Variants in NCKAP5L observed in about 807,000 individuals in gnomAD.
NCKAP5L encodes NCK associated protein 5 like.
Under a neutral mutation model 103.2 loss-of-function variants are expected in NCKAP5L, and 54 were observed. The ratio of observed to expected loss-of-function variants is 0.52; its 90% CI spans 0.42 to 0.66. The LOEUF (loss-of-function observed/expected upper bound fraction) is 0.66. Ranked by LOEUF, NCKAP5L falls within the 30% of genes least tolerant of loss-of-function variation. The pLI is 0.00. For missense variants in NCKAP5L, 1,733 were observed against 1,750.6 expected (o/e 0.99, Z 0.18); for synonymous variants, 762 against 748.6 (o/e 1.02, Z -0.29).
At chr12:49,820,360 A>G (rs1435265847) in intron 1 of NCKAP5L, among the ~76,000 whole-genome samples, 11 of 125,486 alleles carry the variant, frequency 8.8e-5, no homozygotes, top group Non-Finnish European at 1.6e-4. Flanking sequence ...TCTGTCGCCC[A>G]GGCTGGAAGG....
In NCKAP5L at chr12:49,792,146, T is replaced by A; in HGVS notation, c.3793-95A>T. 1 of 1,205,924 alleles carries A rather than the reference T, an allele frequency of 8.3e-7. No individual in the cohort carries two copies. The highest frequency in any genetic ancestry group is 1.1e-6 in the Non-Finnish European group (1 of 873,912). The allele number at this position is 1,205,924 out of a possible 1,614,324, so 74.7% of individuals were successfully genotyped here. A position where few individuals can be genotyped will look rare whatever the true frequency, so the allele number is the denominator to read the frequency against. On this transcript the variant is annotated intron_variant, in intron 12 of 12. Coordinates refer to ENST00000335999, the MANE Select transcript of NCKAP5L (RefSeq NM_001037806.4). The surrounding 1 kb of genome is among the most constrained non-coding windows in gnomAD (Gnocchi z 4.5). The stretch of plus-strand genomic sequence containing the variant: ...CTCTGAGGGGCGTCTGTGCACCTGA[T>A]GGGGGGCTGCTCCAGAGGGGGCCCA...
intron 1 of NCKAP5L, among the ~76,000 whole-genome samples, chr12:49,808,439 C>G (rs1312031625): frequency 1.3e-5 from 2 of 152,164 alleles, no homozygotes; most frequent in African/African-American, 4.8e-5. Context: ...GGGGAAGAGA[C>G]CTGCAGGAAA....
At position 49,793,601 on chromosome 12, in the gene NCKAP5L, C is replaced by G; in HGVS notation, c.3258+133G>C. 5 of 1,300,760 alleles carry G rather than the reference C, an allele frequency of 3.8e-6. No individual in the cohort carries two copies. In the Admixed American group the frequency reaches 1.0e-4, roughly 27 times the overall value. 80.6% of individuals were successfully genotyped at this position (1,300,760 alleles called of 1,614,324 possible). A position where few individuals can be genotyped will look rare whatever the true frequency, so the allele number is the denominator to read the frequency against. ...AGACTGGGAAGCCCCTCTCCCCTCC[C>G]CAGTCTCCCCGTAGAGACTGTGAGT... On this transcript the variant is annotated intron_variant, in intron 9 of 12. Coordinates refer to ENST00000335999, the MANE Select transcript of NCKAP5L (RefSeq NM_001037806.4).
At position 49,792,748 on chromosome 12, in the gene NCKAP5L, G is replaced by A. The variant is rs1945958563; in HGVS notation, c.3579C>T (p.Pro1193=). 2 of 1,609,202 alleles carry A rather than the reference G, an allele frequency of 1.2e-6. No homozygotes were observed. Among genetic ancestry groups the A allele is most frequent in the African/African-American group, 1.3e-5 (1 of 74,844 alleles). The part of the protein sequence containing the change: ...IEELLVSGRH[P]SMPAFPALLP... ...GCAGTGCAGGGAAGGCTGGCATGCT[G>A]GGGTGCCGCCCACTCACCAGCAGCT... The change falls in exon 11 of 13, where the codon CCC becomes CCT. Residue 1193 remains proline (P), a synonymous_variant. Coordinates refer to ENST00000335999, the MANE Select transcript of NCKAP5L (RefSeq NM_001037806.4). This position sits in a 1 kb window ranked among gnomAD's most constrained non-coding sequence, Gnocchi z 4.5.
chr12:49,795,841 T>C lies in NCKAP5L; in HGVS notation c.2019A>G (p.Thr673=), dbSNP rs1486134704. Reference sequence around the variant, plus strand: ...CTGAGCCCAGGGCCCCCTCGGGGCCTGTCTTCAGCTTCCCCAGGGCCGCCA... The same window carrying C: ...CTGAGCCCAGGGCCCCCTCGGGGCCCGTCTTCAGCTTCCCCAGGGCCGCCA... ...DRLAALGKLK[T]GPEGALGSEK... The change falls in exon 8 of 13, where the codon ACA becomes ACG. Residue 673 remains threonine (T), a synonymous_variant. Coordinates refer to ENST00000335999, the MANE Select transcript of NCKAP5L (RefSeq NM_001037806.4). 1.3e-6 allele frequency: 2 copies of C among 1,565,708 alleles called. No individual in the cohort carries two copies. Among genetic ancestry groups the C allele is most frequent in the East Asian group, 2.4e-5 (1 of 42,058 alleles).
At chr12:49,811,777 C>G (rs891739905) in intron 1 of NCKAP5L, among the ~76,000 whole-genome samples, 2 of 152,018 alleles carry the variant, frequency 1.3e-5, no homozygotes, top group African/African-American at 4.8e-5. Context: ...TTTTTATTCT[C>G]TTAAACAAAC....
intron 1 of NCKAP5L, among the ~76,000 whole-genome samples, chr12:49,814,479 G>A (rs1399453969): frequency 7.1e-4 from 100 of 141,280 alleles, no homozygotes; most frequent in African/African-American, 2.1e-3. Context: ...GTGAGACACC[G>A]TCTCAAAAAA....
intron 9 of NCKAP5L, 40 bp downstream of exon 9, chr12:49,793,694 G>A: frequency 2.6e-6 from 4 of 1,512,222 alleles, no homozygotes; most frequent in Non-Finnish European, 3.5e-6. Context: ...CAGGGCCAGA[G>A]AGCCAGGCCG....
Position 49,791,757 on chromosome 12 carries a change from C to A in NCKAP5L, c.*82G>T. On this transcript the variant is annotated 3_prime_UTR_variant, in exon 13 of 13. Coordinates refer to ENST00000335999, the MANE Select transcript of NCKAP5L (RefSeq NM_001037806.4). ...CTTGGTCCCTTCAGGGAGGGGTCCCCGTCTCCGGGGGCTGGGCATGAAGAG... is the reference window on the plus strand; with the variant it reads ...CTTGGTCCCTTCAGGGAGGGGTCCCAGTCTCCGGGGGCTGGGCATGAAGAG... 1 of 1,314,706 alleles carries A rather than the reference C, an allele frequency of 7.6e-7. No homozygotes were observed. Among genetic ancestry groups the A allele is most frequent in the South Asian group, 1.5e-5 (1 of 64,648 alleles). 81.4% of individuals were successfully genotyped at this position (1,314,706 alleles called of 1,614,324 possible).
intron 1 of NCKAP5L, among the ~76,000 whole-genome samples, chr12:49,817,406 T>A (rs1946310712): frequency 6.6e-6 from 1 of 152,174 alleles, no homozygotes; most frequent in Non-Finnish European, 1.5e-5. Flanking sequence ...AATCCTCTTA[T>A]TTCTAGAATA....
At chr12:49,804,923 A>C (rs529521080) in intron 2 of NCKAP5L, 1 of 152,420 alleles carries the variant, frequency 6.6e-6, no homozygotes, top group East Asian at 1.9e-4. Context: ...TCCCAGGGCA[A>C]GGTCCCGATC....
At chr12:49,801,703 T>C in intron 6 of NCKAP5L, 145 bp downstream of exon 6, 1 of 978,424 alleles carries the variant, frequency 1.0e-6, no homozygotes, top group South Asian at 1.6e-5. Context: ...CCAGGGGACT[T>C]GGGTAGTTTC....
intron 1 of NCKAP5L, among the ~76,000 whole-genome samples, chr12:49,818,057 AG>A (rs1946318490): frequency 6.6e-6 from 1 of 151,590 alleles, no homozygotes; most frequent in African/African-American, 2.4e-5. Flanking sequence ...TGAACCCAGG[AG>A]GTAGTGGAGG....
Position 49,792,174 on chromosome 12 carries a change from G to T in NCKAP5L, c.3793-123C>A. 9.5e-7 allele frequency: 1 copy of T among 1,056,696 alleles called. No homozygotes were observed. Among genetic ancestry groups the T allele is most frequent in the South Asian group, 1.5e-5 (1 of 66,058 alleles). The allele number at this position is 1,056,696 out of a possible 1,614,324, so 65.5% of individuals were successfully genotyped here. A position where few individuals can be genotyped will look rare whatever the true frequency, so the allele number is the denominator to read the frequency against. ...GGGGCTGCTCCAGAGGGGGCCCAAG[G>T]TGGGGTATACTTCAGAGGAAACAGG... On this transcript the variant is annotated intron_variant, in intron 12 of 12. Coordinates refer to ENST00000335999, the MANE Select transcript of NCKAP5L (RefSeq NM_001037806.4). This position sits in a 1 kb window ranked among gnomAD's most constrained non-coding sequence, Gnocchi z 4.5.
chr12:49,793,332 C>G lies in NCKAP5L; in HGVS notation c.3340+20G>C, dbSNP rs765781640. ...AGGGGGGTGGGGGCAGGCCCATCCT[C>G]AGCCCCTGACCCTGCTGACCTGTGA... On this transcript the variant is annotated intron_variant, in intron 10 of 12. Transcript: ENST00000335999. The G allele has an allele frequency of 6.2e-7, 1 of 1,602,612 alleles. No individual in the cohort carries two copies. Among genetic ancestry groups the G allele is most frequent in the East Asian group, 2.2e-5 (1 of 44,874 alleles).
chr12:49,812,766 GT>G lies in NCKAP5L; in HGVS notation c.-98-6726del, dbSNP rs539661293. Among the ~76,000 whole-genome samples, 32 of 152,310 alleles carry G rather than the reference GT, an allele frequency of 2.1e-4. No homozygotes were observed. In the South Asian group the frequency reaches 6.2e-3, roughly 30 times the overall value. ...CATTCTACTGATGAACATTTGGCTT[GT>G]TTTCACTTTTTAGCTATTATGAATA... On this transcript the variant is annotated intron_variant, in intron 1 of 12. Transcript: ENST00000335999.
chr12:49,819,656 T>C (rs1010775237), intron 1 of NCKAP5L, among the ~76,000 whole-genome samples: 7 of 151,228 alleles, frequency 4.6e-5, no homozygotes, highest in Non-Finnish European at 7.4e-5. Context: ...AGCCCAGGAG[T>C]TCAAGACCGG....
rs146450331 is a variant in NCKAP5L, at chr12:49,809,410, C to A, written c.-98-3369G>T. Among the ~76,000 whole-genome samples the A allele has an allele frequency of 1.1e-4, 16 of 152,284 alleles. No individual in the cohort carries two copies. In the East Asian group the frequency reaches 2.9e-3, roughly 28 times the overall value. ...GGCCCTTAGCCAAGGCCTCCTGGCC[C>A]CTGGTGAGCCCCTCATTCACCAGCT... On this transcript the variant is annotated intron_variant, in intron 1 of 12. Coordinates refer to ENST00000335999, the MANE Select transcript of NCKAP5L (RefSeq NM_001037806.4).
At chr12:49,798,499 T>C (rs1374992153) in intron 6 of NCKAP5L, 36 bp from the exon 7 acceptor site, 10 of 1,502,632 alleles carry the variant, frequency 6.7e-6, no homozygotes, top group Non-Finnish European at 9.1e-6. Context: ...ACAGTAGCTG[T>C]CTGACCCCAG....
Sources: allele counts gnomAD v4.1 joint callset (sites outside exome capture counted in the v4.1 genomes callset), GRCh38; gene constraint gnomAD v4.1.1; non-coding constraint Gnocchi (gnomAD v3.1); transcripts MANE v1.5; gene names NCBI Gene and HGNC (gene_info 2026-07-23, HGNC 2026-07-21).